The following SNTG1 variants were observed in gnomAD, a reference collection of about 807,000 sequenced individuals.
SNTG1 encodes the protein gamma-1-syntrophin.
In SNTG1, 39 loss-of-function variants were observed where a neutral mutation model predicts 74.7. The observed-to-expected ratio is 0.52, with a 90% CI of 0.40 to 0.68. SNTG1 has a LOEUF of 0.68. Ranked by LOEUF, SNTG1 falls within the 30% of genes least tolerant of loss-of-function variation. SNTG1 has a pLI of 0.00. For synonymous variants in SNTG1, 254 were observed against 217.1 expected (o/e 1.17, Z -1.49); for missense variants, 685 against 609.5 (o/e 1.12, Z -1.30).
At chr8:49,917,039 TA>T (rs10719223) in intron 1 of SNTG1, among the ~76,000 whole-genome samples, 97,851 of 151,168 alleles carry the variant, frequency 0.65, 34,909 homozygotes, top group East Asian at 0.86. Context: ...ATATTAAAAA[TA>T]ATAAATTTTA....
intron 10 of SNTG1, among the ~76,000 whole-genome samples, chr8:50,534,568 G>C (rs972614222): frequency 6.6e-6 from 1 of 152,158 alleles, no homozygotes; most frequent in African/African-American, 2.4e-5. Context: ...ATCACCTGAG[G>C]TCAAGAGTTC....
chr8:50,393,960 G>C (rs377186830), intron 2 of SNTG1, among the ~76,000 whole-genome samples: 1 of 152,168 alleles, frequency 6.6e-6, no homozygotes, highest in Admixed American at 6.5e-5. Flanking sequence ...GGGTGGAAAG[G>C]TGCCTGGAAA....
At chr8:50,614,004 A>T (rs926176072) in intron 13 of SNTG1, among the ~76,000 whole-genome samples, 3 of 152,104 alleles carry the variant, frequency 2.0e-5, no homozygotes, top group Admixed American at 2.0e-4. Context: ...TGTCTATGAG[A>T]TTGTACACCC....
intron 9 of SNTG1, among the ~76,000 whole-genome samples, chr8:50,520,668 A>T (rs1263596534): frequency 6.6e-6 from 1 of 152,226 alleles, no homozygotes; most frequent in Admixed American, 6.5e-5. Flanking sequence ...GACACATGAA[A>T]AAATACTCAT....
chr8:50,111,441 C>T (rs1206474579), intron 1 of SNTG1, among the ~76,000 whole-genome samples: 1 of 152,042 alleles, frequency 6.6e-6, no homozygotes, highest in African/African-American at 2.4e-5. Flanking sequence ...CCCTCTTCTT[C>T]TCATTCTTCT....
intron 15 of SNTG1, among the ~76,000 whole-genome samples, chr8:50,702,657 TAC>T (rs1350050911): frequency 6.6e-6 from 1 of 152,206 alleles, no homozygotes; most frequent in Non-Finnish European, 1.5e-5. Flanking sequence ...ATAGCATATA[TAC>T]AGTCATTTAA....
chr8:50,300,837 G>A (rs1187141270), intron 2 of SNTG1, among the ~76,000 whole-genome samples: 1 of 152,116 alleles, frequency 6.6e-6, no homozygotes, highest in Non-Finnish European at 1.5e-5. Context: ...AGTTTTGTTA[G>A]ATATAGACTT....
chr8:50,272,676 A>C (rs2087845197), intron 2 of SNTG1, among the ~76,000 whole-genome samples: 1 of 152,178 alleles, frequency 6.6e-6, no homozygotes, highest in Non-Finnish European at 1.5e-5. Context: ...AGAGCCATGA[A>C]CCTTGATTTG....
chr8:50,394,063 T>C, intron 2 of SNTG1, 149 bp from the exon 3 acceptor site: 1 of 513,652 alleles, frequency 1.9e-6, no homozygotes, highest in Non-Finnish European at 3.5e-6. Flanking sequence ...TTTCCTCTCT[T>C]CAGTATACCC....
At chr8:50,039,339 C>T (rs532100936) in intron 1 of SNTG1, among the ~76,000 whole-genome samples, 3 of 151,652 alleles carry the variant, frequency 2.0e-5, no homozygotes, top group East Asian at 2.0e-4. Context: ...CCTGTAGTCC[C>T]AGCTACTCAG....
intron 2 of SNTG1, among the ~76,000 whole-genome samples, chr8:50,273,576 A>G (rs943237858): frequency 1.5e-4 from 23 of 152,296 alleles, no homozygotes; most frequent in African/African-American, 5.5e-4. Flanking sequence ...GTTCGGTGTC[A>G]TGGGTATTGG....
intron 1 of SNTG1, among the ~76,000 whole-genome samples, chr8:49,931,884 G>A (rs1193622354): frequency 6.6e-6 from 1 of 152,158 alleles, no homozygotes; most frequent in East Asian, 1.9e-4. Flanking sequence ...CACCATGGTT[G>A]GAATAAGATG....
At chr8:50,637,502 AC>A (rs2095046673) in intron 13 of SNTG1, among the ~76,000 whole-genome samples, 1 of 152,128 alleles carries the variant, frequency 6.6e-6, no homozygotes, top group Admixed American at 6.6e-5. Flanking sequence ...TAAATGGCTT[AC>A]CCAAGGTCAT....
chr8:50,393,444 A>G (rs2092688117), intron 2 of SNTG1, among the ~76,000 whole-genome samples: 1 of 152,140 alleles, frequency 6.6e-6, no homozygotes, highest in Admixed American at 6.5e-5. Context: ...TTGACGTCTC[A>G]TTTACTTATC....
At position 50,022,757 on chromosome 8, in the gene SNTG1, C is replaced by T. The variant is rs554054383; in HGVS notation, c.-103+110526C>T. The stretch of plus-strand genomic sequence containing the variant: ...GGATTAGGAAATAGTGTCCATGTTG[C>T]CTCTGTTCCCACTGGGCTCAAACCC... On this transcript the variant is annotated intron_variant, in intron 1 of 18. Coordinates refer to ENST00000642720, the MANE Select transcript of SNTG1 (RefSeq NM_018967.5). Among the ~76,000 whole-genome samples, 21 of 152,198 alleles carry T rather than the reference C, an allele frequency of 1.4e-4. No homozygotes were observed. The South Asian group carries it at 3.3e-3, about 24-fold the overall frequency.
At chr8:50,528,219 C>T (rs746709303) in intron 9 of SNTG1, among the ~76,000 whole-genome samples, 5 of 151,752 alleles carry the variant, frequency 3.3e-5, no homozygotes, top group African/African-American at 4.8e-5. Context: ...TCTCTTGATA[C>T]TAGTGGGGAA....
Position 50,489,907 on chromosome 8 carries a change from T to C in SNTG1, c.364-12871T>C, listed in dbSNP as rs568121875. Among the ~76,000 whole-genome samples the C allele has an allele frequency of 1.5e-4, 23 of 152,322 alleles. No individual in the cohort carries two copies. The South Asian group carries it at 4.8e-3, about 32-fold the overall frequency. Reference sequence around the variant, plus strand: ...CTAGGATTTTCATGGTTTTAGGTCTTATGTTTAAGACTTTAATCCATCTTG... The same window carrying C: ...CTAGGATTTTCATGGTTTTAGGTCTCATGTTTAAGACTTTAATCCATCTTG... On this transcript the variant is annotated intron_variant, in intron 8 of 18. Coordinates refer to ENST00000642720, the MANE Select transcript of SNTG1 (RefSeq NM_018967.5).
chr8:50,516,206 T>G (rs898344582), intron 9 of SNTG1, among the ~76,000 whole-genome samples: 2 of 152,172 alleles, frequency 1.3e-5, no homozygotes, highest in Non-Finnish European at 1.5e-5. Context: ...CATAGGGGCT[T>G]GATTGTTGGG....
chr8:50,262,012 C>G (rs754844024), intron 2 of SNTG1, among the ~76,000 whole-genome samples: 2 of 152,028 alleles, frequency 1.3e-5, no homozygotes, highest in Non-Finnish European at 2.9e-5. Context: ...AGTGTATGTG[C>G]TCAGATCACA....
Sources: gnomAD v4.1 joint callset for allele counts (sites outside exome capture counted in the v4.1 genomes callset) on GRCh38, gnomAD v4.1.1 for gene constraint, MANE v1.5 for transcripts, NCBI Gene and HGNC (gene_info 2026-07-23, HGNC 2026-07-21) for gene names.